Variants in SLC30A7 observed in about 807,000 individuals in gnomAD.
SLC30A7 encodes solute carrier family 30 member 7, also known as zinc transporter 7.
SLC30A7 carries 35 observed loss-of-function variants against 46.0 expected under a neutral mutation model. The ratio of observed to expected loss-of-function variants is 0.76; its 90% CI spans 0.58 to 1.01. The LOEUF (loss-of-function observed/expected upper bound fraction) is 1.01. Among genes scored for constraint, SLC30A7 ranks in the 50% least tolerant of loss-of-function variants. The probability of loss-of-function intolerance (pLI) is 0.00; values close to 1 mark genes in which losing one functional copy is unlikely to be tolerated. For missense variants in SLC30A7, 464 were observed against 451.1 expected (o/e 1.03, Z -0.26); for synonymous variants, 147 against 157.8 (o/e 0.93, Z 0.51).
chr1:100,900,515 A>G (rs1307581782), intron 2 of SLC30A7, among the ~76,000 whole-genome samples: 1 of 152,174 alleles, frequency 6.6e-6, no homozygotes, highest in Non-Finnish European at 1.5e-5. Context: ...TTTCCTTCTC[A>G]AAAGGCAGCA....
intron 3 of SLC30A7, among the ~76,000 whole-genome samples, chr1:100,909,848 G>A (rs186156602): frequency 1.4e-3 from 220 of 152,188 alleles, no homozygotes; most frequent in Admixed American, 4.3e-3. Context: ...TACAAGGGTA[G>A]ATTAAAAGAA....
chr1:100,903,487 A>T (rs901080160), intron 2 of SLC30A7, among the ~76,000 whole-genome samples: 19 of 152,170 alleles, frequency 1.2e-4, no homozygotes, highest in African/African-American at 4.6e-4. Context: ...AGAGAATTGC[A>T]TGAATAATAT....
chr1:100,915,180 T>TTCTTTCCCTCCCTCCCTTCCTCAC lies in SLC30A7; in HGVS notation c.655+1375_655+1376insCTTTCCCTCCCTCCCTTCCTCACT, dbSNP rs1452432960. 5.4e-4 allele frequency among the ~76,000 whole-genome samples: 72 copies of TTCTTTCCCTCCCTCCCTTCCTCAC among 132,970 alleles called. 1 individual carries two copies. Among genetic ancestry groups the TTCTTTCCCTCCCTCCCTTCCTCAC allele is most frequent in the African/African-American group, 1.8e-3 (66 of 37,066 alleles). 87.2% of individuals were successfully genotyped at this position (132,970 alleles called of 152,430 possible). A position where few individuals can be genotyped will look rare whatever the true frequency, so the allele number is the denominator to read the frequency against. On this transcript the variant is annotated intron_variant, in intron 6 of 10. Coordinates refer to ENST00000357650, the MANE Select transcript of SLC30A7 (RefSeq NM_133496.5). ...CTTCCTCACTTCTTTTCTTTTTTCT[T>TTCTTTCCCTCCCTCCCTTCCTCAC]TTCTTTTCTTTCTTTTCTTTCTTTC...
chr1:100,912,222 A>G lies in SLC30A7; in HGVS notation c.495A>G (p.Gly165=). Residue 165 remains glycine, a synonymous_variant, in exon 5 of 11, where the codon GGA becomes GGG. Transcript: ENST00000357650. The part of the protein sequence containing the change: ...GIFVFKHGGH[G]HSHGSGHGHS... ...TTGTTTTCAAACATGGAGGTCATGG[A>G]CATTCTCATGGCTCTGGTATGATGG... The G allele has an allele frequency of 6.2e-7, 1 of 1,614,006 alleles. No individual in the cohort carries two copies.
At chr1:100,974,694 T>C in intron 10 of SLC30A7, 116 bp from the exon 11 acceptor site, 1 of 690,984 alleles carries the variant, frequency 1.4e-6, no homozygotes, top group Non-Finnish European at 2.2e-6. Context: ...TCTGAAATGA[T>C]TCTTTTCTTT....
chr1:100,930,529 A>G (rs1052262438), intron 8 of SLC30A7, among the ~76,000 whole-genome samples: 1 of 152,096 alleles, frequency 6.6e-6, no homozygotes, highest in African/African-American at 2.4e-5. Flanking sequence ...TCATATTTAA[A>G]TAGAAAGAGT....
chr1:100,902,885 T>A (rs1048037102), intron 2 of SLC30A7, among the ~76,000 whole-genome samples: 4 of 152,144 alleles, frequency 2.6e-5, no homozygotes, highest in Admixed American at 2.6e-4. Context: ...CTTCAACATA[T>A]GAATTTGGGC....
intron 8 of SLC30A7, among the ~76,000 whole-genome samples, chr1:100,922,068 G>A (rs943180890): frequency 2.7e-5 from 4 of 150,364 alleles, no homozygotes; most frequent in South Asian, 4.2e-4. Flanking sequence ...ATTCTCCTGC[G>A]TCAGCCTCTC....
chr1:100,896,898 G>T (rs1426517398), intron 2 of SLC30A7, among the ~76,000 whole-genome samples: 1 of 152,060 alleles, frequency 6.6e-6, no homozygotes, highest in African/African-American at 2.4e-5. Flanking sequence ...CTCCCCTCCA[G>T]TTCCATCAGA....
intron 7 of SLC30A7, among the ~76,000 whole-genome samples, chr1:100,920,529 G>A (rs1240163538): frequency 3.9e-5 from 6 of 151,926 alleles, no homozygotes; most frequent in Non-Finnish European, 2.9e-5. Context: ...GTATATAAAC[G>A]AAAAGTTATA....
intron 8 of SLC30A7, among the ~76,000 whole-genome samples, chr1:100,922,116 C>T (rs969528871): frequency 6.6e-6 from 1 of 151,812 alleles, no homozygotes; most frequent in African/African-American, 2.4e-5. Context: ...ACCAGCTGTA[C>T]GTTAGTGCCC....
At chr1:100,913,131 T>TGCATTTA (rs1652233556) in intron 5 of SLC30A7, among the ~76,000 whole-genome samples, 1 of 152,248 alleles carries the variant, frequency 6.6e-6, no homozygotes, top group Admixed American at 6.5e-5. Context: ...TGCATTCTTT[T>TGCATTTA]GCATTTAGCT....
chr1:100,990,092 C>T, the SLC30A7 span: 1 of 330,988 alleles, frequency 3.0e-6, no homozygotes, highest in Non-Finnish European at 5.6e-6. Flanking sequence ...ATTTTCGACT[C>T]ACAGTTCCAC....
chr1:100,964,028 G>T (rs1319456379), intron 9 of SLC30A7, among the ~76,000 whole-genome samples: 2 of 152,068 alleles, frequency 1.3e-5, no homozygotes, highest in African/African-American at 4.8e-5. Context: ...AATGGTAAAG[G>T]ATAAGGGATT....
At chr1:100,933,575 C>G (rs938813038) in intron 8 of SLC30A7, among the ~76,000 whole-genome samples, 11 of 152,104 alleles carry the variant, frequency 7.2e-5, no homozygotes, top group African/African-American at 2.4e-4. Flanking sequence ...ACTCCCCCCA[C>G]TCTACTACAG....
intron 3 of SLC30A7, among the ~76,000 whole-genome samples, chr1:100,909,052 T>C (rs1363448133): frequency 2.1e-5 from 3 of 143,104 alleles, no homozygotes; most frequent in Non-Finnish European, 4.4e-5. Context: ...TATGTGTGTG[T>C]GTGTGTGTGT....
At chr1:100,969,831 T>C (rs1010638810) in intron 10 of SLC30A7, among the ~76,000 whole-genome samples, 5 of 152,164 alleles carry the variant, frequency 3.3e-5, no homozygotes, top group African/African-American at 1.2e-4. Context: ...CTACATTTAA[T>C]GATTTTAAAA....
At chr1:100,916,714 T>G (rs1333224874) in intron 6 of SLC30A7, among the ~76,000 whole-genome samples, 1 of 144,180 alleles carries the variant, frequency 6.9e-6, no homozygotes, top group Non-Finnish European at 1.5e-5. Flanking sequence ...CTTTTTTTTT[T>G]TTTTTTTTTT....
intron 10 of SLC30A7, among the ~76,000 whole-genome samples, chr1:100,970,533 GACAAT>G (rs1270156387): frequency 6.6e-6 from 1 of 151,832 alleles, no homozygotes; most frequent in Non-Finnish European, 1.5e-5. Context: ...GGGATTAAGT[GACAAT>G]ACAGTTTTTA....
Sources: allele counts gnomAD v4.1 joint callset (sites outside exome capture counted in the v4.1 genomes callset), GRCh38; gene constraint gnomAD v4.1.1; transcripts MANE v1.5; gene names NCBI Gene and HGNC (gene_info 2026-07-23, HGNC 2026-07-21).